TSHZ2: variants seen among roughly 807,000 people sequenced by gnomAD.
TSHZ2 encodes the protein teashirt homolog 2.
TSHZ2 carries 21 observed loss-of-function variants against 74.4 expected under a neutral mutation model. That is an observed-to-expected ratio of 0.28 (90% confidence interval 0.20 to 0.41). The LOEUF is 0.41. Ranked by LOEUF, TSHZ2 falls within the 10% of genes least tolerant of loss-of-function variation. TSHZ2 has a pLI of 1.00. For synonymous variants in TSHZ2, 540 were observed against 515.3 expected (o/e 1.05, Z -0.65); for missense variants, 1,244 against 1,293.5 (o/e 0.96, Z 0.59).
intron 1 of TSHZ2, among the ~76,000 whole-genome samples, chr20:53,071,998 G>C (rs1236325090): frequency 6.6e-6 from 1 of 152,176 alleles, no homozygotes; most frequent in Admixed American, 6.5e-5. Context: ...CTGTCAGCTT[G>C]TGGGGTAGAG....
chr20:53,413,947 G>C (rs1276005447), intron 2 of TSHZ2, among the ~76,000 whole-genome samples: 3 of 152,088 alleles, frequency 2.0e-5, no homozygotes, highest in Non-Finnish European at 4.4e-5. Context: ...TTGGAGACCA[G>C]CCTGGGCAAC....
At chr20:53,052,269 C>G (rs1984495283) in intron 1 of TSHZ2, among the ~76,000 whole-genome samples, 1 of 152,206 alleles carries the variant, frequency 6.6e-6, no homozygotes, top group South Asian at 2.1e-4. Context: ...TCACTTAGCA[C>G]AGGGGTCCTC....
intron 2 of TSHZ2, among the ~76,000 whole-genome samples, chr20:53,346,517 A>G (rs1404266563): frequency 2.6e-5 from 4 of 152,154 alleles, no homozygotes; most frequent in Admixed American, 2.6e-4. Flanking sequence ...TAAAGACAGT[A>G]AATATCTTAT....
At chr20:53,273,577 C>T (rs1005807650) in intron 2 of TSHZ2, among the ~76,000 whole-genome samples, 1 of 152,200 alleles carries the variant, frequency 6.6e-6, no homozygotes. Flanking sequence ...GAATGAGCCA[C>T]CACGCCCAGC....
chr20:53,337,217 G>T (rs1228583137), intron 2 of TSHZ2, among the ~76,000 whole-genome samples: 1 of 152,180 alleles, frequency 6.6e-6, no homozygotes, highest in Non-Finnish European at 1.5e-5. Flanking sequence ...CTCCCTGCAT[G>T]CATTGTTGAA....
At chr20:53,432,479 G>C (rs1214254482) in intron 2 of TSHZ2, among the ~76,000 whole-genome samples, 1 of 152,186 alleles carries the variant, frequency 6.6e-6, no homozygotes, top group Non-Finnish European at 1.5e-5. Flanking sequence ...TTTCCTATGA[G>C]TAGATACCTA....
chr20:53,262,008 T>C (rs1478534307), intron 2 of TSHZ2, among the ~76,000 whole-genome samples: 1 of 152,196 alleles, frequency 6.6e-6, no homozygotes, highest in Non-Finnish European at 1.5e-5. Flanking sequence ...AGCTGCTCTC[T>C]GTGAGGATCT....
At chr20:53,196,150 T>A (rs2123559012) in intron 1 of TSHZ2, 1 of 152,256 alleles carries the variant, frequency 6.6e-6, no homozygotes, top group South Asian at 2.1e-4. Context: ...GATTTCATTA[T>A]GCCTCTGATC....
chr20:53,091,241 A>T (rs1936961), intron 1 of TSHZ2, among the ~76,000 whole-genome samples: 24,209 of 152,258 alleles, frequency 0.16, 2,335 homozygotes, highest in East Asian at 0.36. Flanking sequence ...AAGTGAGTTT[A>T]TGTAAAGCCT....
At chr20:53,025,551 A>G (rs938626093) in intron 1 of TSHZ2, among the ~76,000 whole-genome samples, 1 of 152,052 alleles carries the variant, frequency 6.6e-6, no homozygotes, top group African/African-American at 2.4e-5. Flanking sequence ...TCAGCCCTCC[A>G]CCTTGATGAA....
chr20:53,034,864 T>C (rs570493678), intron 1 of TSHZ2, among the ~76,000 whole-genome samples: 12 of 152,314 alleles, frequency 7.9e-5, no homozygotes, highest in African/African-American at 2.9e-4. Flanking sequence ...TTGGATTTTA[T>C]TCTGAGTGTG....
chr20:53,144,606 T>A (rs1987492561), intron 1 of TSHZ2, among the ~76,000 whole-genome samples: 1 of 152,092 alleles, frequency 6.6e-6, no homozygotes, highest in Non-Finnish European at 1.5e-5. Context: ...TATTATTAGG[T>A]ATTATTATTA....
chr20:53,442,366 C>T (rs1984368226), intron 2 of TSHZ2, among the ~76,000 whole-genome samples: 1 of 152,176 alleles, frequency 6.6e-6, no homozygotes, highest in Admixed American at 6.5e-5. Flanking sequence ...CCCTCCTCTT[C>T]CCATATTCAT....
intron 1 of TSHZ2, among the ~76,000 whole-genome samples, chr20:53,034,002 T>G (rs563949138): frequency 1.8e-4 from 27 of 152,266 alleles, no homozygotes; most frequent in Admixed American, 1.5e-3. Flanking sequence ...GGCAGCCTTA[T>G]AGACTCAGAT....
chr20:53,157,213 A>G (rs986074234), intron 1 of TSHZ2, among the ~76,000 whole-genome samples: 2 of 152,114 alleles, frequency 1.3e-5, no homozygotes, highest in African/African-American at 4.8e-5. Context: ...AATTCTAGGA[A>G]CAATTTTTTT....
intron 2 of TSHZ2, among the ~76,000 whole-genome samples, chr20:53,424,740 GTGTC>G (rs1280264269): frequency 6.6e-6 from 1 of 152,114 alleles, no homozygotes; most frequent in Non-Finnish European, 1.5e-5. Flanking sequence ...GCAGGCTCCA[GTGTC>G]TGTTGTTCCC....
intron 1 of TSHZ2, among the ~76,000 whole-genome samples, chr20:53,193,355 C>T (rs867115319): frequency 6.2e-4 from 95 of 152,240 alleles, no homozygotes; most frequent in African/African-American, 2.2e-3. Context: ...CATTGCCGTT[C>T]GCAATCCTGT....
At chr20:53,437,305 T>A (rs543199297) in intron 2 of TSHZ2, among the ~76,000 whole-genome samples, 9 of 152,090 alleles carry the variant, frequency 5.9e-5, no homozygotes, top group Admixed American at 1.3e-4. Context: ...AAACCCTGTG[T>A]CTACTAAAAA....
chr20:53,427,307 C>T (rs1413929480), intron 2 of TSHZ2, among the ~76,000 whole-genome samples: 1 of 152,168 alleles, frequency 6.6e-6, no homozygotes, highest in Non-Finnish European at 1.5e-5. Context: ...GTGAAATTAA[C>T]CCTTGATTAC....
Sources: gnomAD v4.1 joint callset for allele counts (sites outside exome capture counted in the v4.1 genomes callset) on GRCh38, gnomAD v4.1.1 for gene constraint, MANE v1.5 for transcripts, NCBI Gene and HGNC (gene_info 2026-07-23, HGNC 2026-07-21) for gene names.